HHIP: variants seen among roughly 807,000 people sequenced by gnomAD.
The protein encoded by HHIP is hedgehog-interacting protein.
HHIP carries 12 observed loss-of-function variants against 74.0 expected under a neutral mutation model. That is an observed-to-expected ratio of 0.16 (90% CI 0.10 to 0.26). The LOEUF is 0.26. Ranked by LOEUF, HHIP falls within the 10% of genes least tolerant of loss-of-function variation. The pLI is 1.00. For missense variants in HHIP, 788 were observed against 845.0 expected, an observed-to-expected ratio of 0.93 and a Z score of 0.84; for synonymous variants, 309 against 311.6, an observed-to-expected ratio of 0.99 and a Z score of 0.09.
intron 11 of HHIP, among the ~76,000 whole-genome samples, chr4:144,731,110 G>A (rs1297569501): frequency 6.6e-6 from 1 of 152,132 alleles, no homozygotes; most frequent in Non-Finnish European, 1.5e-5. Context: ...TACAGTAAAT[G>A]TTTTGTGTTT....
At chr4:144,713,804 T>C (rs544494502) in intron 8 of HHIP, among the ~76,000 whole-genome samples, 1 of 152,330 alleles carries the variant, frequency 6.6e-6, no homozygotes, top group Non-Finnish European at 1.5e-5. Flanking sequence ...TTAAACATTT[T>C]ACATATTTTG....
rs59565144 is a variant in HHIP, at chr4:144,739,582, A to G, written c.*1625A>G. 6.6e-6 allele frequency: 1 copy of G among 152,242 alleles called. No homozygotes were observed. The highest frequency in any genetic ancestry group is 2.4e-5 in the African/African-American group (1 of 41,464). 9.4% of individuals were successfully genotyped at this position (152,242 alleles called of 1,614,324 possible). A position where few individuals can be genotyped will look rare whatever the true frequency, so the allele number is the denominator to read the frequency against. On this transcript the variant is annotated 3_prime_UTR_variant, in exon 13 of 13. Transcript: ENST00000296575. ...CATTTATATAGAAGCCACAATGTAG[A>G]AAGATTGGTTAAGTACACTGCTCTT...
intron 11 of HHIP, among the ~76,000 whole-genome samples, chr4:144,723,419 G>A (rs1007263046): frequency 2.6e-5 from 4 of 152,096 alleles, no homozygotes; most frequent in African/African-American, 7.2e-5. Flanking sequence ...TAGACTGGAT[G>A]CTAAAGAGTG....
At chr4:144,724,305 T>G in intron 11 of HHIP, among the ~76,000 whole-genome samples, 1 of 152,174 alleles carries the variant, frequency 6.6e-6, no homozygotes, top group Non-Finnish European at 1.5e-5. Flanking sequence ...AAAAACTTTG[T>G]GTGACCATGT....
intron 4 of HHIP, among the ~76,000 whole-genome samples, chr4:144,701,495 A>G (rs1217097611): frequency 2.0e-5 from 3 of 152,108 alleles, no homozygotes; most frequent in Admixed American, 1.3e-4. Context: ...AAAATCTCCA[A>G]GTATGATGGG....
chr4:144,650,455 G>A (rs936463290), intron 1 of HHIP, among the ~76,000 whole-genome samples: 3 of 151,880 alleles, frequency 2.0e-5, no homozygotes, highest in Non-Finnish European at 2.9e-5. Flanking sequence ...TAAGATTGAC[G>A]GCATCATCAG....
intron 4 of HHIP, among the ~76,000 whole-genome samples, chr4:144,689,577 GA>G (rs1729586995): frequency 6.6e-6 from 1 of 152,062 alleles, no homozygotes; most frequent in Non-Finnish European, 1.5e-5. Flanking sequence ...AATTACTTTT[GA>G]TTTTTGCCTG....
chr4:144,689,362 T>G (rs1336177435), intron 4 of HHIP, among the ~76,000 whole-genome samples: 1 of 152,234 alleles, frequency 6.6e-6, no homozygotes, highest in Non-Finnish European at 1.5e-5. Context: ...GTGTTTTTGC[T>G]CTGAAGATCT....
chr4:144,677,671 G>A (rs1360011002), intron 4 of HHIP, among the ~76,000 whole-genome samples: 3 of 152,150 alleles, frequency 2.0e-5, no homozygotes, highest in African/African-American at 7.2e-5. Context: ...ACGGCTTACA[G>A]AACAAATAAG....
intron 4 of HHIP, among the ~76,000 whole-genome samples, chr4:144,676,584 T>C (rs1260561680): frequency 1.3e-5 from 2 of 152,302 alleles, no homozygotes; most frequent in African/African-American, 4.8e-5. Context: ...CACACACTCA[T>C]AATGTGTTCT....
At chr4:144,735,864 T>C (rs1033718687) in intron 12 of HHIP, among the ~76,000 whole-genome samples, 1 of 152,190 alleles carries the variant, frequency 6.6e-6, no homozygotes, top group Non-Finnish European at 1.5e-5. Flanking sequence ...ATTTTAAACT[T>C]ACATTGCTTC....
intron 3 of HHIP, 32 bp downstream of exon 3, chr4:144,658,978 T>C (rs749347370): frequency 4.5e-6 from 7 of 1,544,638 alleles, no homozygotes; most frequent in African/African-American, 1.4e-5. Flanking sequence ...TTAATCTTTT[T>C]AAAAAAACCC....
Position 144,646,815 on chromosome 4 carries a change from G to T in HHIP, c.140G>T (p.Arg47Leu), listed in dbSNP as rs370288716. ...RRCLNGNPPKRLKRRDRRMMS... is the reference protein window; with the variant it reads ...RRCLNGNPPKLLKRRDRRMMS... ...TGCCTGAATGGGAACCCCCCGAAGC[G>T]CCTGAAAAGGAGAGACAGGAGGATG... The change falls in exon 1 of 13, where the codon CGC (arginine) becomes CTC (leucine). Residue 47 changes from arginine to leucine, a missense_variant. Arg to Leu is a moderately radical substitution (Grantham distance 102). This residue lies in a region of HHIP where 373 missense variants were observed against 366.4 expected (regional missense o/e 1.02). Coordinates refer to ENST00000296575, the MANE Select transcript of HHIP (RefSeq NM_022475.3). 4.3e-6 allele frequency: 7 copies of T among 1,614,244 alleles called. No homozygotes were observed. Among genetic ancestry groups the T allele is most frequent in the South Asian group, 1.1e-5 (1 of 91,082 alleles).
At chr4:144,682,763 G>A (rs975849573) in intron 4 of HHIP, among the ~76,000 whole-genome samples, 7 of 152,190 alleles carry the variant, frequency 4.6e-5, no homozygotes, top group African/African-American at 1.7e-4. Context: ...AGTTAAAACT[G>A]TATTTACGTA....
chr4:144,694,552 G>T (rs1420676281), intron 4 of HHIP, among the ~76,000 whole-genome samples: 2 of 151,668 alleles, frequency 1.3e-5, no homozygotes, highest in Non-Finnish European at 3.0e-5. Flanking sequence ...CAGCATATTA[G>T]CCACACATCG....
chr4:144,703,776 G>A (rs982932154), intron 4 of HHIP, among the ~76,000 whole-genome samples: 6 of 152,154 alleles, frequency 3.9e-5, no homozygotes, highest in African/African-American at 1.2e-4. Context: ...ACGGTGTCCT[G>A]GTGAAGACTA....
chr4:144,705,808 T>C (rs1370648098), intron 4 of HHIP, among the ~76,000 whole-genome samples: 1 of 152,212 alleles, frequency 6.6e-6, no homozygotes, highest in Non-Finnish European at 1.5e-5. Context: ...TTTGCTTTAA[T>C]TTCCTAGTGT....
In HHIP at chr4:144,677,846, C is replaced by T. The variant is rs1212919615; in HGVS notation, c.831+18008C>T. Among the ~76,000 whole-genome samples the T allele has an allele frequency of 3.3e-5, 5 of 152,206 alleles. No homozygotes were observed. The East Asian group carries it at 9.7e-4, about 29-fold the overall frequency. On this transcript the variant is annotated intron_variant, in intron 4 of 12. Coordinates refer to ENST00000296575, the MANE Select transcript of HHIP (RefSeq NM_022475.3). ...AGTGTGCCTAATTAGATGGTATTTT[C>T]TTAATGTTCATATAATATTTGTTTC...
chr4:144,650,522 A>C (rs116474771), intron 1 of HHIP: 1 of 152,220 alleles, frequency 6.6e-6, no homozygotes, highest in Non-Finnish European at 1.5e-5. Context: ...AGAGGAAGAA[A>C]TTACCCTACA....
Sources: allele counts gnomAD v4.1 joint callset (sites outside exome capture counted in the v4.1 genomes callset), GRCh38; gene constraint gnomAD v4.1.1; regional missense constraint gnomAD v4.1.1; transcripts MANE v1.5; gene names NCBI Gene and HGNC (gene_info 2026-07-23, HGNC 2026-07-21).